ZMYM4: variants seen among roughly 807,000 people sequenced by gnomAD.
ZMYM4 encodes zinc finger MYM-type protein 4.
Under a neutral mutation model 183.2 loss-of-function variants are expected in ZMYM4, and 31 were observed. The observed-to-expected ratio is 0.17, with a 90% CI of 0.13 to 0.23. The LOEUF is 0.23. Ranked by LOEUF, ZMYM4 falls within the 10% of genes least tolerant of loss-of-function variation. The pLI is 1.00. For synonymous variants in ZMYM4, 592 were observed against 631.2 expected (o/e 0.94, Z 0.93); for missense variants, 1,273 against 1,840.3 (o/e 0.69, Z 5.64).
intron 2 of ZMYM4, among the ~76,000 whole-genome samples, chr1:35,353,265 C>T (rs908950869): frequency 9.9e-5 from 15 of 152,158 alleles, no homozygotes; most frequent in Admixed American, 1.3e-4. Context: ...CCTAAGTGGT[C>T]CTAAGTGATC....
chr1:35,386,304 T>A (rs1231779533), intron 11 of ZMYM4, 115 bp downstream of exon 11: 7 of 697,994 alleles, frequency 1.0e-5, no homozygotes, highest in African/African-American at 1.8e-5. Context: ...AAGAAAGAGG[T>A]TTAATTGGCT....
chr1:35,399,253 T>C (rs1644860798), intron 22 of ZMYM4, among the ~76,000 whole-genome samples: 1 of 152,224 alleles, frequency 6.6e-6, no homozygotes, highest in Non-Finnish European at 1.5e-5. Context: ...GGTTAAAATT[T>C]TTTTTAACCT....
chr1:35,343,773 A>G (rs1403896759), intron 2 of ZMYM4, among the ~76,000 whole-genome samples: 1 of 151,796 alleles, frequency 6.6e-6, no homozygotes, highest in East Asian at 2.0e-4. Flanking sequence ...GCTGAGGCAG[A>G]CAATTGCTTG....
At chr1:35,281,008 G>T (rs559378365) in intron 1 of ZMYM4, among the ~76,000 whole-genome samples, 1 of 152,102 alleles carries the variant, frequency 6.6e-6, no homozygotes, top group South Asian at 2.1e-4. Flanking sequence ...TCACAGGTCG[G>T]GTGCGATGGC....
At chr1:35,368,066 C>A (rs952850267) in intron 5 of ZMYM4, among the ~76,000 whole-genome samples, 27 of 127,648 alleles carry the variant, frequency 2.1e-4, no homozygotes, top group African/African-American at 6.6e-4. Context: ...CCAGCGCCCC[C>A]CCCCCACCCA....
In ZMYM4 at chr1:35,419,784, A is replaced by G; in HGVS notation, c.*107A>G. On this transcript the variant is annotated 3_prime_UTR_variant, in exon 30 of 30. Coordinates refer to ENST00000314607, the MANE Select transcript of ZMYM4 (RefSeq NM_005095.3). The stretch of plus-strand genomic sequence containing the variant: ...AAGTCTAAGTCCTCTTGACTTGACC[A>G]TAAGATCATGGAAAACAGATGACTT... 8.7e-7 allele frequency: 1 copy of G among 1,149,666 alleles called. No homozygotes were observed. Among genetic ancestry groups the G allele is most frequent in the South Asian group, 1.4e-5 (1 of 70,706 alleles). 71.2% of individuals were successfully genotyped at this position (1,149,666 alleles called of 1,614,324 possible).
At chr1:35,395,406 G>A (rs1178761592) in intron 18 of ZMYM4, among the ~76,000 whole-genome samples, 1 of 151,674 alleles carries the variant, frequency 6.6e-6, no homozygotes, top group Non-Finnish European at 1.5e-5. Flanking sequence ...GACCAGCCTG[G>A]GCAACATGGT....
intron 1 of ZMYM4, among the ~76,000 whole-genome samples, chr1:35,304,080 A>G (rs373034052): frequency 1.5e-3 from 232 of 151,816 alleles, no homozygotes; most frequent in African/African-American, 5.4e-3. Context: ...GCTGGAGTGC[A>G]ATGCCATGAT....
At chr1:35,381,155 C>A in intron 7 of ZMYM4, 104 bp from the exon 8 acceptor site, 1 of 924,446 alleles carries the variant, frequency 1.1e-6, no homozygotes, top group Non-Finnish European at 1.6e-6. Context: ...AGTGTTATTT[C>A]CCTACAGTAT....
chr1:35,363,041 G>A (rs1258936286), intron 5 of ZMYM4, among the ~76,000 whole-genome samples: 2 of 152,166 alleles, frequency 1.3e-5, no homozygotes, highest in East Asian at 1.9e-4. Context: ...GCATGGTGGC[G>A]GGTGCCTGTA....
At chr1:35,371,907 A>G (rs774639196) in intron 7 of ZMYM4, among the ~76,000 whole-genome samples, 30 of 152,196 alleles carry the variant, frequency 2.0e-4, no homozygotes, top group Non-Finnish European at 3.1e-4. Flanking sequence ...ATATATACAA[A>G]TGTAGATTAG....
chr1:35,355,198 TTC>T (rs1643775152), intron 2 of ZMYM4, among the ~76,000 whole-genome samples: 4 of 138,550 alleles, frequency 2.9e-5, no homozygotes, highest in African/African-American at 1.1e-4. Flanking sequence ...CACGCCTGGC[TTC>T]TTTTTTTTTT....
intron 23 of ZMYM4, 95 bp downstream of exon 23, chr1:35,399,671 G>A (rs1644868412): frequency 7.7e-7 from 1 of 1,296,960 alleles, no homozygotes. Context: ...AACAGCCAGA[G>A]TCAGGTAGTT....
intron 1 of ZMYM4, among the ~76,000 whole-genome samples, chr1:35,285,004 T>G (rs1391454526): frequency 6.6e-6 from 1 of 152,198 alleles, no homozygotes; most frequent in Non-Finnish European, 1.5e-5. Flanking sequence ...TGCGAGAGTT[T>G]ATTTCTAGAC....
chr1:35,341,433 A>G (rs1475561452), intron 2 of ZMYM4, among the ~76,000 whole-genome samples: 3 of 151,990 alleles, frequency 2.0e-5, no homozygotes, highest in East Asian at 1.9e-4. Flanking sequence ...ATTCACTAAC[A>G]TTTTATTTTC....
At chr1:35,308,038 C>T (rs1188793759) in intron 1 of ZMYM4, among the ~76,000 whole-genome samples, 1 of 152,064 alleles carries the variant, frequency 6.6e-6, no homozygotes, top group Non-Finnish European at 1.5e-5. Context: ...ATCACCCAGG[C>T]TGGAGTGCAG....
chr1:35,329,662 T>G (rs1393040144), intron 2 of ZMYM4, among the ~76,000 whole-genome samples: 2 of 152,198 alleles, frequency 1.3e-5, no homozygotes, highest in Non-Finnish European at 2.9e-5. Flanking sequence ...TTTGACTACT[T>G]TCAGTGTACT....
intron 1 of ZMYM4, among the ~76,000 whole-genome samples, chr1:35,283,072 C>G (rs929133275): frequency 1.2e-4 from 17 of 138,200 alleles, no homozygotes; most frequent in African/African-American, 4.0e-4. Flanking sequence ...CATCTCACCA[C>G]ACTGTAACCT....
At chr1:35,282,413 A>G (rs1557903879) in intron 1 of ZMYM4, among the ~76,000 whole-genome samples, 1 of 152,250 alleles carries the variant, frequency 6.6e-6, no homozygotes, top group Non-Finnish European at 1.5e-5. Flanking sequence ...AGCCACCAGA[A>G]TTGTGAGCTA....
Sources: gnomAD v4.1 joint callset for allele counts (sites outside exome capture counted in the v4.1 genomes callset) on GRCh38, gnomAD v4.1.1 for gene constraint, MANE v1.5 for transcripts, NCBI Gene and HGNC (gene_info 2026-07-23, HGNC 2026-07-21) for gene names.